The following BCAR3 variants were observed in gnomAD, a reference collection of about 807,000 sequenced individuals.
BCAR3 encodes the protein breast cancer anti-estrogen resistance protein 3.
BCAR3 carries 37 observed loss-of-function variants against 80.1 expected under a neutral mutation model. That is an observed-to-expected ratio of 0.46 (90% CI 0.36 to 0.61). The LOEUF is 0.61. Among genes scored for constraint, BCAR3 ranks in the 20% least tolerant of loss-of-function variants. BCAR3 has a pLI of 0.00. For synonymous variants in BCAR3, 389 were observed against 418.9 expected, an observed-to-expected ratio of 0.93 and a Z score of 0.87; for missense variants, 978 against 1,068.2, an observed-to-expected ratio of 0.92 and a Z score of 1.18.
intron 2 of BCAR3, among the ~76,000 whole-genome samples, chr1:93,795,356 T>C (rs1270259665): frequency 2.3e-5 from 2 of 88,362 alleles, no homozygotes; most frequent in Non-Finnish European, 4.1e-5. Context: ...TGCTCATTTC[T>C]TTTTATTCTT....
chr1:93,619,398 C>T (rs918692406), intron 3 of BCAR3, among the ~76,000 whole-genome samples: 1 of 152,146 alleles, frequency 6.6e-6, no homozygotes, highest in Non-Finnish European at 1.5e-5. Context: ...ACTAGAAGCC[C>T]ATCCATATAC....
chr1:93,704,687 T>A (rs1557660638), intron 3 of BCAR3, among the ~76,000 whole-genome samples: 3 of 152,190 alleles, frequency 2.0e-5, no homozygotes, highest in African/African-American at 4.8e-5. Flanking sequence ...CATGATCTAT[T>A]GTACTTTTAA....
intron 2 of BCAR3, among the ~76,000 whole-genome samples, chr1:93,673,921 G>T (rs953951181): frequency 2.6e-5 from 4 of 152,106 alleles, no homozygotes; most frequent in African/African-American, 7.2e-5. Context: ...AAAATACTTG[G>T]GCTTTCTTTT....
chr1:93,845,805 G>C (rs894422666), intron 1 of BCAR3: 9 of 152,142 alleles, frequency 5.9e-5, no homozygotes, highest in African/African-American at 2.2e-4. Context: ...AACCCATCTT[G>C]TGTGTAAGCA....
At chr1:93,783,040 A>G (rs752488892) in intron 2 of BCAR3, among the ~76,000 whole-genome samples, 4 of 152,262 alleles carry the variant, frequency 2.6e-5, no homozygotes, top group Non-Finnish European at 5.9e-5. Flanking sequence ...TGAACTGGCA[A>G]AATCTAAGAA....
upstream of BCAR3, among the ~76,000 whole-genome samples, chr1:93,683,936 T>G (rs930609575): frequency 2.6e-5 from 4 of 152,138 alleles, no homozygotes; most frequent in Non-Finnish European, 4.4e-5. Flanking sequence ...CCAAAGAAAT[T>G]TTTTTTAATT....
chr1:93,800,816 CAAAGA>C (rs1174303478), intron 2 of BCAR3, among the ~76,000 whole-genome samples: 5 of 151,948 alleles, frequency 3.3e-5, no homozygotes, highest in Non-Finnish European at 7.4e-5. Flanking sequence ...TAGAAGGCTC[CAAAGA>C]AAAGAAGGAT....
At chr1:93,585,152 G>A in intron 5 of BCAR3, 1 of 985,476 alleles carries the variant, frequency 1.0e-6, no homozygotes, top group Non-Finnish European at 1.2e-6. Flanking sequence ...CAGAACGGCA[G>A]GGTGTGGAAT....
chr1:93,661,889 C>T (rs1395449504), intron 2 of BCAR3, among the ~76,000 whole-genome samples: 1 of 152,232 alleles, frequency 6.6e-6, no homozygotes, highest in Admixed American at 6.5e-5. Context: ...ATTCAGTCTT[C>T]CACATCTTAA....
chr1:93,672,238 C>T (rs1013485194), intron 2 of BCAR3, among the ~76,000 whole-genome samples: 1 of 152,126 alleles, frequency 6.6e-6, no homozygotes, highest in African/African-American at 2.4e-5. Flanking sequence ...AAGCTTTACA[C>T]TCTTGGCAGC....
intron 2 of BCAR3, among the ~76,000 whole-genome samples, chr1:93,647,345 A>G (rs1676174704): frequency 6.6e-6 from 1 of 152,202 alleles, no homozygotes; most frequent in Non-Finnish European, 1.5e-5. Flanking sequence ...GGGAACCCAA[A>G]TCCTTTTCAC....
At chr1:93,626,406 A>G (rs1675458362) in intron 3 of BCAR3, among the ~76,000 whole-genome samples, 1 of 152,232 alleles carries the variant, frequency 6.6e-6, no homozygotes, top group South Asian at 2.1e-4. Flanking sequence ...TCTCTTAAGT[A>G]GCAAAAGACC....
At chr1:93,846,006 G>A (rs72967379) in intron 1 of BCAR3, among the ~76,000 whole-genome samples, 1,641 of 152,056 alleles carry the variant, frequency 0.011, 35 homozygotes, top group African/African-American at 0.037. Flanking sequence ...AACAAAATAT[G>A]ATTCATCACA....
At chr1:93,613,850 G>A in intron 3 of BCAR3, 1 of 1,550,390 alleles carries the variant, frequency 6.4e-7, no homozygotes, top group East Asian at 2.4e-5. Flanking sequence ...AACCTACCTT[G>A]ACTCCAATGA....
intron 9 of BCAR3, 182 bp from the exon 10 acceptor site, chr1:93,568,033 A>G: frequency 2.0e-6 from 1 of 495,822 alleles, no homozygotes; most frequent in Non-Finnish European, 3.7e-6. Flanking sequence ...CTCAAATACA[A>G]AAATTAGCCA....
At chr1:93,604,328 A>T (rs896457595) in intron 3 of BCAR3, among the ~76,000 whole-genome samples, 3 of 152,236 alleles carry the variant, frequency 2.0e-5, no homozygotes, top group Non-Finnish European at 2.9e-5. Context: ...TTTATTCATT[A>T]TCAAACCTAA....
chr1:93,734,900 C>T (rs929186759), intron 2 of BCAR3, among the ~76,000 whole-genome samples: 1 of 152,196 alleles, frequency 6.6e-6, no homozygotes, highest in African/African-American at 2.4e-5. Flanking sequence ...GTTAGTTCCT[C>T]TGAGTGGTCC....
chr1:93,729,017 C>T (rs1298604630), intron 2 of BCAR3, among the ~76,000 whole-genome samples: 2 of 152,184 alleles, frequency 1.3e-5, no homozygotes, highest in Admixed American at 6.5e-5. Context: ...GGACCATGCT[C>T]TTCCTTTCTG....
chr1:93,760,337 C>G (rs962389417), intron 2 of BCAR3, among the ~76,000 whole-genome samples: 3 of 152,008 alleles, frequency 2.0e-5, no homozygotes, highest in Admixed American at 6.6e-5. Context: ...GGGGACTCAG[C>G]AATAATCCAG....
Sources: allele counts gnomAD v4.1 joint callset (sites outside exome capture counted in the v4.1 genomes callset), GRCh38; gene constraint gnomAD v4.1.1; transcripts MANE v1.5; gene names NCBI Gene and HGNC (gene_info 2026-07-23, HGNC 2026-07-21).